MAPKAP1: variants seen among roughly 807,000 people sequenced by gnomAD.
MAPKAP1 encodes MAPK associated protein 1, also known as target of rapamycin complex 2 subunit MAPKAP1.
Under a neutral mutation model 65.7 loss-of-function variants are expected in MAPKAP1, and 20 were observed. That is an observed-to-expected ratio of 0.30 (90% CI 0.21 to 0.44). The LOEUF is 0.44. Among genes scored for constraint, MAPKAP1 ranks in the 20% least tolerant of loss-of-function variants. The probability of loss-of-function intolerance (pLI) is 1.00; values close to 1 mark genes in which losing one functional copy is unlikely to be tolerated. For missense variants in MAPKAP1, 423 were observed against 648.0 expected (o/e 0.65, Z 3.77); for synonymous variants, 222 against 244.3 (o/e 0.91, Z 0.85).
intron 6 of MAPKAP1, among the ~76,000 whole-genome samples, chr9:125,551,555 A>G (rs1830585033): frequency 6.6e-6 from 1 of 152,070 alleles, no homozygotes; most frequent in Non-Finnish European, 1.5e-5. Context: ...CTAATATATC[A>G]AATATTTAAA....
chr9:125,511,816 G>A (rs139563685), intron 7 of MAPKAP1, among the ~76,000 whole-genome samples: 169 of 152,274 alleles, frequency 1.1e-3, no homozygotes, highest in African/African-American at 3.5e-3. Flanking sequence ...GCATGAAGCC[G>A]CATACCCTCC....
chr9:125,490,067 C>T (rs1472416027), intron 8 of MAPKAP1, among the ~76,000 whole-genome samples: 3 of 152,126 alleles, frequency 2.0e-5, no homozygotes, highest in South Asian at 2.1e-4. Flanking sequence ...ACTGTTGAGT[C>T]GAATAACTGT....
At chr9:125,462,226 T>C (rs1032045537) in intron 10 of MAPKAP1, among the ~76,000 whole-genome samples, 4 of 152,106 alleles carry the variant, frequency 2.6e-5, no homozygotes, top group Non-Finnish European at 5.9e-5. Context: ...CCAGGGTGAT[T>C]TCAGTAACAA....
At chr9:125,698,277 T>TAATATAAATA (rs1835451793) in intron 1 of MAPKAP1, among the ~76,000 whole-genome samples, 1 of 39,970 alleles carries the variant, frequency 2.5e-5, no homozygotes, top group Non-Finnish European at 3.9e-5. Flanking sequence ...ATATAATACA[T>TAATATAAATA]AATATATATA....
chr9:125,452,919 A>G (rs1233275034), intron 10 of MAPKAP1, among the ~76,000 whole-genome samples: 2 of 152,204 alleles, frequency 1.3e-5, no homozygotes, highest in Non-Finnish European at 2.9e-5. Context: ...CAAAAAAAGA[A>G]AATAAATGAA....
intron 8 of MAPKAP1, chr9:125,505,981 C>A: frequency 9.2e-6 from 3 of 327,190 alleles, no homozygotes; most frequent in South Asian, 7.7e-5. Flanking sequence ...CTGACAGGGC[C>A]AGCTGCTTTA....
At chr9:125,590,120 C>T (rs1208749288) in intron 4 of MAPKAP1, among the ~76,000 whole-genome samples, 1 of 152,182 alleles carries the variant, frequency 6.6e-6, no homozygotes, top group African/African-American at 2.4e-5. Context: ...TCTGGAAGCA[C>T]TAGAACTAAG....
intron 7 of MAPKAP1, among the ~76,000 whole-genome samples, chr9:125,513,463 G>A (rs1431464291): frequency 6.6e-6 from 1 of 152,188 alleles, no homozygotes; most frequent in Non-Finnish European, 1.5e-5. Flanking sequence ...AGCTAAGTGT[G>A]AGCAGTAAGA....
chr9:125,681,759 C>T (rs1243613399), intron 1 of MAPKAP1, among the ~76,000 whole-genome samples: 1 of 152,174 alleles, frequency 6.6e-6, no homozygotes, highest in Non-Finnish European at 1.5e-5. Flanking sequence ...CTATTTTATA[C>T]TACACTGCAC....
At chr9:125,599,933 C>A (rs998556140) in intron 4 of MAPKAP1, 2 of 152,156 alleles carry the variant, frequency 1.3e-5, no homozygotes. Context: ...CGCGCCTGTC[C>A]GCAAATGTAA....
chr9:125,459,318 C>T (rs1853360345), intron 10 of MAPKAP1, among the ~76,000 whole-genome samples: 4 of 149,770 alleles, frequency 2.7e-5, no homozygotes, highest in Admixed American at 2.0e-4. Flanking sequence ...AGAGATGCTC[C>T]TCACTTTCCA....
chr9:125,502,101 CT>C lies in MAPKAP1; in HGVS notation c.1066+4208del, dbSNP rs569835380. Among the ~76,000 whole-genome samples, 220 of 144,404 alleles carry C rather than the reference CT, an allele frequency of 1.5e-3. 2 individuals are homozygous for C. The South Asian group carries it at 0.03, about 19-fold the overall frequency. 94.7% of individuals were successfully genotyped at this position (144,404 alleles called of 152,430 possible). A position where few individuals can be genotyped will look rare whatever the true frequency, so the allele number is the denominator to read the frequency against. On this transcript the variant is annotated intron_variant, in intron 8 of 11. Transcript: ENST00000265960. Reference sequence around the variant, plus strand: ...TCATTACTATTCAGCCTTTCTTCTTCTTTTTTTTTTTTCTGTTTGAGACAGA... The same window carrying C: ...TCATTACTATTCAGCCTTTCTTCTTCTTTTTTTTTTTCTGTTTGAGACAGA...
chr9:125,449,160 G>A (rs1364451997), intron 10 of MAPKAP1, among the ~76,000 whole-genome samples: 1 of 152,124 alleles, frequency 6.6e-6, no homozygotes, highest in African/African-American at 2.4e-5. Flanking sequence ...GAGACACAGA[G>A]GAAAAAAAGC....
intron 8 of MAPKAP1, among the ~76,000 whole-genome samples, chr9:125,496,124 A>G (rs995271628): frequency 2.0e-5 from 3 of 152,320 alleles, no homozygotes; most frequent in South Asian, 2.1e-4. Flanking sequence ...GCCCACAAAG[A>G]AGGAGGACTT....
intron 5 of MAPKAP1, among the ~76,000 whole-genome samples, chr9:125,571,564 G>A (rs1831231634): frequency 1.3e-5 from 2 of 152,168 alleles, no homozygotes; most frequent in South Asian, 4.1e-4. Context: ...TTGCTTAAAT[G>A]CTGCTGATCC....
chr9:125,649,798 C>CAAAAAAAA (rs35503728), intron 4 of MAPKAP1, among the ~76,000 whole-genome samples: 22 of 75,982 alleles, frequency 2.9e-4, no homozygotes, highest in Non-Finnish European at 4.5e-4. Flanking sequence ...AACTCCGTCT[C>CAAAAAAAA]AAAAAAAAAA....
intron 9 of MAPKAP1, 84 bp from the exon 10 acceptor site, chr9:125,468,193 A>G: frequency 6.9e-7 from 1 of 1,448,764 alleles, no homozygotes; most frequent in Non-Finnish European, 9.5e-7. Context: ...GACCTGTTTT[A>G]TAAATCTGAA....
At chr9:125,657,499 CA>C (rs1225225430) in intron 4 of MAPKAP1, 151 bp downstream of exon 4, 2 of 715,516 alleles carry the variant, frequency 2.8e-6, no homozygotes, top group Non-Finnish European at 4.4e-6. Context: ...CATACCTTTA[CA>C]TCAAGTCTTA....
chr9:125,616,095 A>G (rs912473824), intron 4 of MAPKAP1, among the ~76,000 whole-genome samples: 2 of 152,144 alleles, frequency 1.3e-5, no homozygotes, highest in African/African-American at 4.8e-5. Context: ...GGGAAATTTG[A>G]TATATGACCA....
Sources: gnomAD v4.1 joint callset for allele counts (sites outside exome capture counted in the v4.1 genomes callset) on GRCh38, gnomAD v4.1.1 for gene constraint, MANE v1.5 for transcripts, NCBI Gene and HGNC (gene_info 2026-07-23, HGNC 2026-07-21) for gene names.